Variants in SWT1 observed in about 807,000 individuals in gnomAD.
SWT1 encodes the protein transcriptional protein SWT1.
SWT1 carries 33 observed loss-of-function variants against 107.3 expected under a neutral mutation model. The observed-to-expected ratio is 0.31, with a 90% CI of 0.23 to 0.41. SWT1 has a LOEUF of 0.41. Ranked by LOEUF, SWT1 falls within the 10% of genes least tolerant of loss-of-function variation. The pLI, the probability that SWT1 is intolerant of heterozygous loss-of-function variation, is 1.00. For synonymous variants in SWT1, 345 were observed against 348.3 expected (o/e 0.99, Z 0.11); for missense variants, 898 against 1,028.9 (o/e 0.87, Z 1.74).
chr1:185,161,039 G>A (rs890739990), intron 2 of SWT1, 114 bp downstream of exon 2: 18 of 784,354 alleles, frequency 2.3e-5, no homozygotes, highest in Non-Finnish European at 3.0e-5. Context: ...CTGCTCAGCC[G>A]ATCCAGGAAA....
rs16823869 is a variant in SWT1 at position 185,264,338 on chromosome 1, C to T, written c.2442-6985C>T. 2.8e-3 allele frequency: 2,746 copies of T among 984,854 alleles called. 90 individuals carry two copies. The East Asian group carries it at 0.087, about 31-fold the overall frequency. The allele number at this position is 984,854 out of a possible 1,614,324, so 61.0% of individuals were successfully genotyped here. A position where few individuals can be genotyped will look rare whatever the true frequency, so the allele number is the denominator to read the frequency against. ...AGGACTAAGGAGAGAAGACCATTAC[C>T]GTTCATATGGATGACATAAAAGTTC... is the stretch of plus-strand genomic sequence containing the variant. On this transcript the variant is annotated intron_variant, in intron 16 of 18. Transcript: ENST00000367500.
At chr1:185,227,778 G>A in intron 15 of SWT1, 1 of 376,190 alleles carries the variant, frequency 2.7e-6, no homozygotes, top group East Asian at 6.7e-5. Flanking sequence ...AGAAAGGCGA[G>A]ACATTTTTAA....
At chr1:185,266,306 T>C (rs574010673) in intron 16 of SWT1, among the ~76,000 whole-genome samples, 22 of 152,186 alleles carry the variant, frequency 1.4e-4, no homozygotes, top group Non-Finnish European at 2.4e-4. Context: ...CCTCGTGATC[T>C]GCCCGCCTTG....
chr1:185,225,020 T>C (rs1659944589), intron 15 of SWT1, among the ~76,000 whole-genome samples: 1 of 152,100 alleles, frequency 6.6e-6, no homozygotes, highest in African/African-American at 2.4e-5. Flanking sequence ...AAGTAGGTGT[T>C]CTTGTTCCTT....
intron 16 of SWT1, among the ~76,000 whole-genome samples, chr1:185,246,386 C>A (rs1418142348): frequency 6.6e-6 from 1 of 152,062 alleles, no homozygotes; most frequent in Non-Finnish European, 1.5e-5. Context: ...AGGTGATTCT[C>A]CCACCTCAGC....
At chr1:185,222,762 CAA>C (rs59515070) in intron 15 of SWT1, among the ~76,000 whole-genome samples, 30 of 36,082 alleles carry the variant, frequency 8.3e-4, no homozygotes, top group East Asian at 4.7e-3. Flanking sequence ...GACGCCATCT[CAA>C]AAAAAAAAAA....
At chr1:185,252,653 C>T (rs1168781129) in intron 16 of SWT1, among the ~76,000 whole-genome samples, 24 of 151,920 alleles carry the variant, frequency 1.6e-4, no homozygotes, top group East Asian at 7.7e-4. Flanking sequence ...TGTAAATTTG[C>T]TTGAGTTCAT....
intron 16 of SWT1, among the ~76,000 whole-genome samples, chr1:185,258,782 G>A (rs1219046303): frequency 2.0e-5 from 3 of 151,818 alleles, no homozygotes; most frequent in Non-Finnish European, 4.4e-5. Context: ...TAATATATCT[G>A]GGTATGGATT....
chr1:185,280,082 G>C (rs1336753), intron 18 of SWT1, among the ~76,000 whole-genome samples: 80,039 of 151,810 alleles, frequency 0.53, 22,565 homozygotes, highest in African/African-American at 0.75. Context: ...CCCTACGTTT[G>C]GAGGGAGAGA....
intron 1 of SWT1, among the ~76,000 whole-genome samples, chr1:185,159,227 TTACC>T (rs1653931985): frequency 6.6e-6 from 1 of 152,178 alleles, no homozygotes; most frequent in Non-Finnish European, 1.5e-5. Flanking sequence ...AAGTGCATGA[TTACC>T]AAGCATCAGG....
chr1:185,185,644 A>G (rs940945738), intron 9 of SWT1, among the ~76,000 whole-genome samples: 1 of 152,142 alleles, frequency 6.6e-6, no homozygotes, highest in Non-Finnish European at 1.5e-5. Context: ...TGTACTGTCC[A>G]CTGCACCCAT....
intron 10 of SWT1, among the ~76,000 whole-genome samples, chr1:185,199,791 G>C (rs904562212): frequency 2.0e-5 from 3 of 152,212 alleles, no homozygotes; most frequent in African/African-American, 7.2e-5. Flanking sequence ...ATGTTGGCCT[G>C]TCCTGCTAGG....
At chr1:185,165,624 C>CTCCTCTGCTAAATACTT (rs1654503626) in intron 2 of SWT1, among the ~76,000 whole-genome samples, 1 of 152,222 alleles carries the variant, frequency 6.6e-6, no homozygotes, top group Non-Finnish European at 1.5e-5. Flanking sequence ...AATCATGTTA[C>CTCCTCTGCTAAATACTT]TCCTCTGCTA....
In SWT1 at chr1:185,184,432, CA is replaced by C. The variant is rs559801074; in HGVS notation, c.1240+89del. 1.1e-4 allele frequency: 87 copies of C among 786,058 alleles called. No homozygotes were observed. The East Asian group carries it at 2.2e-3, about 20-fold the overall frequency. The allele number at this position is 786,058 out of a possible 1,614,324, so 48.7% of individuals were successfully genotyped here. A position where few individuals can be genotyped will look rare whatever the true frequency, so the allele number is the denominator to read the frequency against. On this transcript the variant is annotated intron_variant, in intron 8 of 18. Coordinates refer to ENST00000367500, the MANE Select transcript of SWT1 (RefSeq NM_017673.7). Reference sequence around the variant, plus strand: ...AATGATGGGCTTTTTTTGCCATGAACATGTCTCCATTTAGATATGCTATATA... The same window carrying C: ...AATGATGGGCTTTTTTTGCCATGAACTGTCTCCATTTAGATATGCTATATA...
chr1:185,257,135 C>A lies in SWT1; in HGVS notation c.2442-14188C>A, dbSNP rs901656839. ...GACCCACTTGAGGAGGCAGTCTGCC[C>A]GTTCTCATATCTCCAGCTGTGTGCT... On this transcript the variant is annotated intron_variant, in intron 16 of 18. Coordinates refer to ENST00000367500, the MANE Select transcript of SWT1 (RefSeq NM_017673.7). Among the ~76,000 whole-genome samples, 4 of 152,072 alleles carry A rather than the reference C, an allele frequency of 2.6e-5. No homozygotes were observed. In the East Asian group the frequency reaches 5.8e-4, roughly 22 times the overall value.
rs200824307 is a variant in SWT1, at chr1:185,174,515, A to G, written c.368A>G (p.Asp123Gly). The G allele has an allele frequency of 1.1e-5, 18 of 1,611,328 alleles. No homozygotes were observed. Among genetic ancestry groups the G allele is most frequent in the East Asian group, 1.1e-4 (5 of 44,836 alleles). The change falls in exon 5 of 19, where the codon GAC becomes GGC. Residue 123 changes from aspartate (D) to glycine (G), a missense_variant. Coordinates refer to ENST00000367500, the MANE Select transcript of SWT1 (RefSeq NM_017673.7). ...CCTTCTTCAAATGGAACTAAAAAAG[A>G]CATACATAAATGTGTAGACTTTAAA... ...QSPSSNGTKK[D>G]IHKCVDFKPK... is the part of the protein sequence containing the mutation.
chr1:185,202,595 C>A, intron 10 of SWT1, 59 bp from the exon 11 acceptor site: 1 of 1,446,946 alleles, frequency 6.9e-7, no homozygotes, highest in Middle Eastern at 1.9e-4. Flanking sequence ...TTTGATTTGC[C>A]ATGTGGTTTA....
intron 16 of SWT1, among the ~76,000 whole-genome samples, chr1:185,249,348 T>C (rs1661843390): frequency 6.6e-6 from 1 of 152,132 alleles, no homozygotes; most frequent in South Asian, 2.1e-4. Flanking sequence ...GGAATGCCAG[T>C]GTTACCCTGT....
intron 18 of SWT1, chr1:185,281,539 G>C: frequency 4.2e-6 from 1 of 237,368 alleles, no homozygotes; most frequent in Non-Finnish European, 8.5e-6. Context: ...TCATCTGCCT[G>C]CTGTAGGATG....
Sources: allele counts gnomAD v4.1 joint callset (sites outside exome capture counted in the v4.1 genomes callset), GRCh38; gene constraint gnomAD v4.1.1; transcripts MANE v1.5; gene names NCBI Gene and HGNC (gene_info 2026-07-23, HGNC 2026-07-21).